The following SCRN1 variants were observed in gnomAD, a reference collection of about 807,000 sequenced individuals.
SCRN1 encodes secernin-1.
A neutral mutation model predicts 43.3 loss-of-function variants in SCRN1; 19 were observed. The observed-to-expected ratio is 0.44, with a 90% CI of 0.31 to 0.64. The LOEUF (loss-of-function observed/expected upper bound fraction) is 0.64, where lower values mean the gene tolerates loss of function less well. Among genes scored for constraint, SCRN1 ranks in the 30% least tolerant of loss-of-function variants. SCRN1 has a pLI of 0.09. For synonymous variants in SCRN1, 183 were observed against 188.9 expected, an observed-to-expected ratio of 0.97 and a Z score of 0.26; for missense variants, 447 against 524.1, an observed-to-expected ratio of 0.85 and a Z score of 1.44.
chr7:29,951,310 T>C (rs1197296505), intron 3 of SCRN1, among the ~76,000 whole-genome samples: 2 of 152,218 alleles, frequency 1.3e-5, no homozygotes, highest in East Asian at 1.9e-4. Context: ...GACCCCATGC[T>C]TGCTCACACA....
At chr7:29,976,090 T>G (rs957929566) in intron 1 of SCRN1, among the ~76,000 whole-genome samples, 7 of 152,060 alleles carry the variant, frequency 4.6e-5, no homozygotes. Context: ...TATAAAAAAA[T>G]ATCTGCTACT....
chr7:29,945,182 C>A (rs1268130839), intron 3 of SCRN1, among the ~76,000 whole-genome samples: 2 of 152,184 alleles, frequency 1.3e-5, no homozygotes, highest in African/African-American at 4.8e-5. Context: ...GTGAGACATC[C>A]ATCTCCCCCT....
At chr7:29,966,536 TAC>T (rs1375237048) in intron 2 of SCRN1, among the ~76,000 whole-genome samples, 1 of 152,216 alleles carries the variant, frequency 6.6e-6, no homozygotes, top group Admixed American at 6.5e-5. Context: ...AAACTTTATC[TAC>T]ACAGAGTCCA....
At chr7:29,940,548 A>C in intron 5 of SCRN1, 134 bp downstream of exon 5, 3 of 737,068 alleles carry the variant, frequency 4.1e-6, no homozygotes, top group Non-Finnish European at 6.3e-6. Context: ...GACTTTTAGC[A>C]GAAGTTGGTC....
Position 29,955,291 on chromosome 7 carries a change from A to G in SCRN1, c.229T>C (p.Trp77Arg). Reference sequence around the variant, plus strand: ...TCATTGGCTCCCATTTCTGCTCCCCAGAGCCAGGCGGGTCTGCTTATCATT... The same window carrying G: ...TCATTGGCTCCCATTTCTGCTCCCCGGAGCCAGGCGGGTCTGCTTATCATT... ...AIMISRPAWL[W>R]GAEMGANEHG... The change falls in exon 3 of 8, where the codon TGG (tryptophan) becomes CGG (arginine). Residue 77 changes from tryptophan to arginine, a missense_variant. Coordinates refer to ENST00000242059, the MANE Select transcript of SCRN1 (RefSeq NM_014766.5). The G allele has an allele frequency of 6.2e-7, 1 of 1,614,170 alleles. No homozygotes were observed. Among genetic ancestry groups the G allele is most frequent in the Non-Finnish European group, 8.5e-7 (1 of 1,180,038 alleles).
At chr7:29,941,119 T>C (rs1787530649) in intron 4 of SCRN1, among the ~76,000 whole-genome samples, 2 of 152,188 alleles carry the variant, frequency 1.3e-5, no homozygotes, top group Non-Finnish European at 2.9e-5. Context: ...ACTTAACCCA[T>C]CTTAAAAGCA....
intron 3 of SCRN1, among the ~76,000 whole-genome samples, chr7:29,947,839 A>T (rs987243032): frequency 6.6e-6 from 1 of 152,172 alleles, no homozygotes. Context: ...AAAAGAAGAG[A>T]CACCAGAACA....
intron 2 of SCRN1, among the ~76,000 whole-genome samples, chr7:29,960,030 G>A (rs1405735093): frequency 6.9e-6 from 1 of 145,650 alleles, no homozygotes; most frequent in Non-Finnish European, 1.5e-5. Context: ...AGGGAGGGAG[G>A]GAGGGAGGAA....
chr7:29,940,954 T>C (rs1301996854), intron 4 of SCRN1, 78 bp from the exon 5 acceptor site: 13 of 1,231,428 alleles, frequency 1.1e-5, no homozygotes, highest in East Asian at 2.8e-5. Context: ...GTATAGGGAA[T>C]CCTTTTCCTG....
chr7:29,926,190 G>T (rs1049107296), intron 7 of SCRN1, among the ~76,000 whole-genome samples: 2 of 152,212 alleles, frequency 1.3e-5, no homozygotes, highest in African/African-American at 4.8e-5. Context: ...AACAGTAAAT[G>T]TAAGTAAGAT....
intron 2 of SCRN1, among the ~76,000 whole-genome samples, chr7:29,958,902 G>T (rs903970371): frequency 2.6e-5 from 4 of 152,184 alleles, no homozygotes; most frequent in Admixed American, 1.3e-4. Context: ...CCAAGGATCC[G>T]CCTGTCCTGA....
chr7:29,942,943 G>A (rs1255219760), intron 4 of SCRN1, among the ~76,000 whole-genome samples: 1 of 152,152 alleles, frequency 6.6e-6, no homozygotes, highest in African/African-American at 2.4e-5. Flanking sequence ...TTTGTGCACA[G>A]AAAACAGGCT....
At chr7:29,973,917 C>T (rs1788735053) in intron 1 of SCRN1, among the ~76,000 whole-genome samples, 1 of 152,080 alleles carries the variant, frequency 6.6e-6, no homozygotes, top group South Asian at 2.1e-4. Flanking sequence ...CTACATCTAT[C>T]GGGTAGAATA....
Position 29,947,521 on chromosome 7 carries a change from C to A in SCRN1, c.342-3342G>T, listed in dbSNP as rs576006611. Among the ~76,000 whole-genome samples the A allele has an allele frequency of 6.6e-5, 10 of 152,250 alleles. No individual in the cohort carries two copies. In the East Asian group the frequency reaches 1.9e-3, roughly 29 times the overall value. On this transcript the variant is annotated intron_variant, in intron 3 of 7. Coordinates refer to ENST00000242059, the MANE Select transcript of SCRN1 (RefSeq NM_014766.5). ...AAGTAATAAAAATAGGCAACACAGC[C>A]CCCTTAGAAAGGTGGGCCTAGTATT...
At chr7:29,944,576 T>C (rs1787666822) in intron 3 of SCRN1, among the ~76,000 whole-genome samples, 1 of 148,138 alleles carries the variant, frequency 6.8e-6, no homozygotes, top group Admixed American at 6.8e-5. Flanking sequence ...GGTGGTACGA[T>C]CGCTTAAGCC....
chr7:29,928,126 A>C (rs994608023), intron 6 of SCRN1, among the ~76,000 whole-genome samples: 16 of 152,226 alleles, frequency 1.1e-4, no homozygotes, highest in African/African-American at 3.9e-4. Flanking sequence ...TTGTCTCAAA[A>C]ACAAACAAAC....
At chr7:29,984,533 A>G (rs988114670) in intron 1 of SCRN1, among the ~76,000 whole-genome samples, 1 of 152,114 alleles carries the variant, frequency 6.6e-6, no homozygotes, top group African/African-American at 2.4e-5. Context: ...GACCACCTCA[A>G]AGGAAAAATA....
At chr7:29,930,559 G>A (rs1473902004) in intron 6 of SCRN1, among the ~76,000 whole-genome samples, 2 of 152,180 alleles carry the variant, frequency 1.3e-5, no homozygotes, top group African/African-American at 4.8e-5. Flanking sequence ...ACCGTGTCCA[G>A]CCCACCTGAC....
At chr7:29,983,431 A>T (rs939049051) in intron 1 of SCRN1, among the ~76,000 whole-genome samples, 2 of 151,708 alleles carry the variant, frequency 1.3e-5, no homozygotes, top group African/African-American at 4.8e-5. Context: ...GTGCACATGT[A>T]CCCTAAAACT....
Sources: gnomAD v4.1 joint callset for allele counts (sites outside exome capture counted in the v4.1 genomes callset) on GRCh38, gnomAD v4.1.1 for gene constraint, MANE v1.5 for transcripts, NCBI Gene and HGNC (gene_info 2026-07-23, HGNC 2026-07-21) for gene names.